DCUN1D4: variants seen among roughly 807,000 people sequenced by gnomAD.
The protein encoded by DCUN1D4 is DCN1-like protein 4.
A neutral mutation model predicts 47.9 loss-of-function variants in DCUN1D4; 22 were observed. The ratio of observed to expected loss-of-function variants is 0.46; its 90% CI spans 0.33 to 0.66. DCUN1D4 has a LOEUF of 0.66. Among genes scored for constraint, DCUN1D4 ranks in the 30% least tolerant of loss-of-function variants. The probability of loss-of-function intolerance (pLI) is 0.02; values close to 1 mark genes in which losing one functional copy is unlikely to be tolerated. For synonymous variants in DCUN1D4, 121 were observed against 112.2 expected (o/e 1.08, Z -0.50); for missense variants, 301 against 340.8 (o/e 0.88, Z 0.92).
chr4:51,853,243 C>T (rs1054258521), intron 1 of DCUN1D4, among the ~76,000 whole-genome samples: 1 of 152,180 alleles, frequency 6.6e-6, no homozygotes, highest in Non-Finnish European at 1.5e-5. Flanking sequence ...AAGCCAGCAG[C>T]AATATGCTTG....
In DCUN1D4 at chr4:51,913,706, C is replaced by T. The variant is rs1734034356; in HGVS notation, c.*122C>T. On this transcript the variant is annotated 3_prime_UTR_variant, in exon 11 of 11. Coordinates refer to ENST00000334635, the MANE Select transcript of DCUN1D4 (RefSeq NM_001040402.3). ...TTGCACTGTTTCCCTTTCGCAGGGA[C>T]ATGTTGGTGTTTGCTATTGAATTGG... 1.1e-6 allele frequency: 1 copy of T among 887,370 alleles called. No individual in the cohort carries two copies. The allele number at this position is 887,370 out of a possible 1,614,324, so 55.0% of individuals were successfully genotyped here.
chr4:51,847,809 A>T (rs900998767), intron 1 of DCUN1D4, among the ~76,000 whole-genome samples: 2 of 152,002 alleles, frequency 1.3e-5, no homozygotes, highest in Non-Finnish European at 2.9e-5. Flanking sequence ...CTCCCTCTCT[A>T]GCAGACTCTC....
At chr4:51,834,858 G>A in the DCUN1D4 span, among the ~76,000 whole-genome samples, 93 of 152,326 alleles carry the variant, frequency 6.1e-4, 1 homozygote, top group South Asian at 0.018. Context: ...CGCATTGCTT[G>A]TAACTACACT....
At chr4:51,834,551 C>G in the DCUN1D4 span, among the ~76,000 whole-genome samples, 1 of 152,156 alleles carries the variant, frequency 6.6e-6, no homozygotes, top group South Asian at 2.1e-4. Context: ...AGTCTTCAGG[C>G]TCCTTCTCCA....
At position 51,886,639 on chromosome 4, in the gene DCUN1D4, G is replaced by A. The variant is rs756193371; in HGVS notation, c.414+1G>A. On this transcript the variant is annotated splice_donor_variant, in intron 6 of 10. Transcript: ENST00000334635. LOFTEE classifies it high-confidence loss of function. Reference sequence around the variant, plus strand: ...AGACATTGGTGTTGAACCAGAAAACGTGAGTCAAACTTACTGAGTTGGGTG... The same window carrying A: ...AGACATTGGTGTTGAACCAGAAAACATGAGTCAAACTTACTGAGTTGGGTG... The A allele has an allele frequency of 3.1e-6, 5 of 1,613,638 alleles. No individual in the cohort carries two copies. The highest frequency in any genetic ancestry group is 1.3e-5 in the African/African-American group (1 of 75,016).
chr4:51,888,495 C>T (rs1183997325), intron 6 of DCUN1D4, among the ~76,000 whole-genome samples: 1 of 152,132 alleles, frequency 6.6e-6, no homozygotes, highest in Non-Finnish European at 1.5e-5. Context: ...AATCCCAGCA[C>T]TTTGGGAGGC....
chr4:51,904,749 T>TA (rs1255382256), intron 8 of DCUN1D4, among the ~76,000 whole-genome samples: 9 of 152,344 alleles, frequency 5.9e-5, no homozygotes, highest in Admixed American at 1.3e-4. Context: ...AGGGAAATCT[T>TA]ACCTGTTAGC....
Position 51,874,345 on chromosome 4 carries a change from T to G in DCUN1D4, c.211T>G (p.Ser71Ala), listed in dbSNP as rs928648138. 1.2e-6 allele frequency: 2 copies of G among 1,613,758 alleles called. No homozygotes were observed. The highest frequency in any genetic ancestry group is 2.7e-5 in the African/African-American group (2 of 74,904). The change falls in exon 4 of 11, where the codon TCT becomes GCT. Residue 71 changes from serine (S) to alanine (A), a missense_variant. This residue lies in a region of DCUN1D4 where 131 missense variants were observed against 106.3 expected (regional missense o/e 1.23). Transcript: ENST00000334635. ...ACCAAGGAAAAAGAGAAGACCTGCC[T>G]CTGGAGATGATTTATCTGCCAAGAA... ...MPPRKKRRPA[S>A]GDDLSAKKSR...
At chr4:51,895,653 G>A (rs1227298445) in intron 7 of DCUN1D4, among the ~76,000 whole-genome samples, 1 of 151,554 alleles carries the variant, frequency 6.6e-6, no homozygotes, top group Non-Finnish European at 1.5e-5. Context: ...AAGTGAAGGG[G>A]CAGGGGCCTT....
chr4:51,893,412 T>C (rs1158406102), intron 7 of DCUN1D4, among the ~76,000 whole-genome samples: 1 of 136,960 alleles, frequency 7.3e-6, no homozygotes, highest in Non-Finnish European at 1.5e-5. Context: ...TTGCTTCCTT[T>C]TTCTTTTCTT....
the DCUN1D4 span, among the ~76,000 whole-genome samples, chr4:51,836,880 T>A: frequency 6.6e-6 from 1 of 152,178 alleles, no homozygotes; most frequent in East Asian, 1.9e-4. Flanking sequence ...TGGGGTCTCC[T>A]GTACTGCCCT....
intron 1 of DCUN1D4, chr4:51,843,651 G>C (rs1170841587): frequency 8.0e-7 from 1 of 1,254,722 alleles, no homozygotes. Context: ...TGGCACCGGC[G>C]GGGAGAGGGA....
intron 6 of DCUN1D4, 69 bp downstream of exon 6, chr4:51,886,707 C>A: frequency 8.0e-7 from 1 of 1,254,968 alleles, no homozygotes; most frequent in Non-Finnish European, 1.2e-6. Flanking sequence ...TGTTCTTTAG[C>A]AAATAAATAA....
intron 5 of DCUN1D4, among the ~76,000 whole-genome samples, chr4:51,878,210 G>A (rs942429942): frequency 3.3e-5 from 5 of 152,178 alleles, no homozygotes; most frequent in African/African-American, 9.7e-5. Context: ...ACTTAGTGCA[G>A]TGAAATTTCT....
chr4:51,870,627 T>C (rs1726740655), intron 3 of DCUN1D4, among the ~76,000 whole-genome samples: 1 of 152,206 alleles, frequency 6.6e-6, no homozygotes, highest in African/African-American at 2.4e-5. Flanking sequence ...TGTAATAAGA[T>C]ACTGTATTAG....
At chr4:51,906,498 G>A (rs1732915780) in intron 8 of DCUN1D4, among the ~76,000 whole-genome samples, 1 of 152,068 alleles carries the variant, frequency 6.6e-6, no homozygotes, top group South Asian at 2.1e-4. Flanking sequence ...TTTGTTAGTT[G>A]ATGTATTCGT....
intron 1 of DCUN1D4, among the ~76,000 whole-genome samples, chr4:51,859,851 C>T (rs1724758727): frequency 6.6e-6 from 1 of 151,990 alleles, no homozygotes; most frequent in Admixed American, 6.6e-5. Flanking sequence ...CTTTGGAGAG[C>T]CGTCTGATCA....
rs137889359 is a variant in DCUN1D4 at position 51,901,193 on chromosome 4, A to C, written c.615+1815A>C. 8.5e-3 allele frequency among the ~76,000 whole-genome samples: 1,291 copies of C among 152,142 alleles called. 10 individuals are homozygous for C. Among genetic ancestry groups the C allele is most frequent in the Non-Finnish European group, 0.013 (895 of 67,996 alleles). Reference sequence around the variant, plus strand: ...CACCTTCCTGCTCCCCACAGCCTCTAGTACCTCCCCACTGTGTTTATATCG... The same window carrying C: ...CACCTTCCTGCTCCCCACAGCCTCTCGTACCTCCCCACTGTGTTTATATCG... On this transcript the variant is annotated intron_variant, in intron 8 of 10. Transcript: ENST00000334635.
intron 9 of DCUN1D4, among the ~76,000 whole-genome samples, chr4:51,911,648 A>G (rs1172301791): frequency 6.6e-6 from 1 of 152,202 alleles, no homozygotes; most frequent in Non-Finnish European, 1.5e-5. Context: ...CAATCTAAGT[A>G]TTAGGCAGAC....
Sources: gnomAD v4.1 joint callset for allele counts (sites outside exome capture counted in the v4.1 genomes callset) on GRCh38, gnomAD v4.1.1 for gene constraint, gnomAD v4.1.1 regional missense constraint, MANE v1.5 for transcripts, NCBI Gene and HGNC (gene_info 2026-07-23, HGNC 2026-07-21) for gene names.